Variants in WWOX observed in about 807,000 individuals in gnomAD.
WWOX encodes the protein WW domain containing oxidoreductase, also known as WW domain-containing oxidoreductase.
A neutral mutation model predicts 46.2 loss-of-function variants in WWOX; 69 were observed. The observed-to-expected ratio is 1.49, with a 90% CI of 1.23 to 1.82. The LOEUF is 1.82. Ranked by LOEUF, WWOX falls within the 40% of genes most tolerant of loss-of-function variation. WWOX has a pLI of 0.00. For missense variants in WWOX, 919 were observed against 542.6 expected, an observed-to-expected ratio of 1.69 and a Z score of -6.89; for synonymous variants, 359 against 202.6, an observed-to-expected ratio of 1.77 and a Z score of -6.56.
In WWOX at chr16:78,385,134, A is replaced by AACACACACAC. The variant is rs61262578; in HGVS notation, c.517-1708_517-1699dup. 4.3e-3 allele frequency among the ~76,000 whole-genome samples: 610 copies of AACACACACAC among 142,770 alleles called. 7 individuals are homozygous for AACACACACAC. The highest frequency in any genetic ancestry group is 6.5e-3 in the African/African-American group (236 of 36,206). 93.7% of individuals were successfully genotyped at this position (142,770 alleles called of 152,430 possible). ...GGGCGACAGAGTGAGACTCCATCTA[A>AACACACACAC]ACACACACACACACACACACACACA... On this transcript the variant is annotated intron_variant, in intron 5 of 8. Coordinates refer to ENST00000566780, the MANE Select transcript of WWOX (RefSeq NM_016373.4).
At chr16:79,102,390 T>A (rs1244138602) in intron 8 of WWOX, among the ~76,000 whole-genome samples, 1 of 152,156 alleles carries the variant, frequency 6.6e-6, no homozygotes, top group African/African-American at 2.4e-5. Flanking sequence ...ATTTGAAAAC[T>A]TTTATGAATG....
chr16:78,825,846 C>T (rs1461475177), intron 8 of WWOX: 4 of 625,252 alleles, frequency 6.4e-6, no homozygotes, highest in Non-Finnish European at 8.8e-6. Flanking sequence ...GTCATGCTGC[C>T]CTGGGACCCC....
At chr16:78,124,976 G>A (rs949435907) in intron 4 of WWOX, among the ~76,000 whole-genome samples, 8 of 152,096 alleles carry the variant, frequency 5.3e-5, no homozygotes, top group African/African-American at 1.9e-4. Context: ...TAAGCCTTTT[G>A]TATGAAGTTT....
chr16:78,416,009 A>G (rs897345712), intron 6 of WWOX, among the ~76,000 whole-genome samples: 12 of 152,206 alleles, frequency 7.9e-5, no homozygotes, highest in Non-Finnish European at 1.8e-4. Context: ...GCCATGTAGA[A>G]CCTGCATGCT....
chr16:78,856,505 T>C, intron 8 of WWOX, among the ~76,000 whole-genome samples: 1 of 152,056 alleles, frequency 6.6e-6, no homozygotes, highest in East Asian at 1.9e-4. Context: ...CAGCTGGTTG[T>C]GGTGGTACAC....
At chr16:78,932,593 G>C (rs1056111203) in intron 8 of WWOX, among the ~76,000 whole-genome samples, 1 of 152,220 alleles carries the variant, frequency 6.6e-6, no homozygotes, top group African/African-American at 2.4e-5. Flanking sequence ...TTTTCAAGAG[G>C]TGCCGACCAA....
At chr16:78,619,022 G>C (rs529437017) in intron 8 of WWOX, among the ~76,000 whole-genome samples, 1 of 148,470 alleles carries the variant, frequency 6.7e-6, no homozygotes, top group African/African-American at 2.5e-5. Context: ...TAGGCCAGGT[G>C]GGGTGGCTCA....
intron 8 of WWOX, among the ~76,000 whole-genome samples, chr16:78,977,614 G>C (rs1217718419): frequency 6.6e-6 from 1 of 152,168 alleles, no homozygotes; most frequent in Non-Finnish European, 1.5e-5. Context: ...TGAAAGGGGA[G>C]AGGAGATAGA....
Position 78,694,012 on chromosome 16 carries a change from C to T in WWOX, c.1056+261260C>T, listed in dbSNP as rs907658637. 3.9e-5 allele frequency among the ~76,000 whole-genome samples: 6 copies of T among 151,970 alleles called. No homozygotes were observed. In the East Asian group the frequency reaches 7.7e-4, roughly 20 times the overall value. On this transcript the variant is annotated intron_variant, in intron 8 of 8. Transcript: ENST00000566780. ...CTTTAGGAGGCCGAGGCAGGTGGAT[C>T]GGTTGAGGTCAGAGTTCAAGACCAG...
At position 79,206,033 on chromosome 16, in the gene WWOX, C is replaced by T. The variant is rs901785815; in HGVS notation, c.1057-5575C>T. ...ATCGGACGACCTTTTTAGTAAGGGT[C>T]ACTTGCTGTTGGATCATCGAAGGGG... On this transcript the variant is annotated intron_variant, in intron 8 of 8. Transcript: ENST00000566780. 3 of 152,296 alleles carry T rather than the reference C, an allele frequency of 2.0e-5. No homozygotes were observed. In the South Asian group the frequency reaches 6.2e-4, roughly 32 times the overall value. 9.4% of individuals were successfully genotyped at this position (152,296 alleles called of 1,614,324 possible). A position where few individuals can be genotyped will look rare whatever the true frequency, so the allele number is the denominator to read the frequency against.
At chr16:79,052,210 C>A (rs570681447) in intron 8 of WWOX, among the ~76,000 whole-genome samples, 2 of 147,584 alleles carry the variant, frequency 1.4e-5, no homozygotes, top group East Asian at 4.0e-4. Flanking sequence ...CCACCACAGT[C>A]CCCAGAGTGT....
chr16:78,882,515 C>T (rs912762419), intron 8 of WWOX, among the ~76,000 whole-genome samples: 1 of 150,522 alleles, frequency 6.6e-6, no homozygotes, highest in African/African-American at 2.4e-5. Context: ...CTCACTCTGT[C>T]ACCCAGGCTG....
chr16:78,901,540 T>C (rs939324749), intron 8 of WWOX, among the ~76,000 whole-genome samples: 22 of 152,272 alleles, frequency 1.4e-4, no homozygotes, highest in African/African-American at 5.3e-4. Context: ...CAGGCTCGAG[T>C]ACATTGGTAG....
At chr16:78,340,751 G>C (rs1417767678) in intron 5 of WWOX, among the ~76,000 whole-genome samples, 1 of 117,930 alleles carries the variant, frequency 8.5e-6, no homozygotes, top group Admixed American at 8.3e-5. Context: ...GCTTGGGGAA[G>C]GTGTAGCTCT....
In WWOX at chr16:79,063,579, G is replaced by A. The variant is rs113981665; in HGVS notation, c.1057-148029G>A. Among the ~76,000 whole-genome samples, 14 of 152,250 alleles carry A rather than the reference G, an allele frequency of 9.2e-5. No homozygotes were observed. The East Asian group carries it at 9.7e-4, about 11-fold the overall frequency. Reference sequence around the variant, plus strand: ...AAACCAAATGGAGAATTCCAGGAGCGGATTTGGAAACAAGGTTGGGTCTAC... The same window carrying A: ...AAACCAAATGGAGAATTCCAGGAGCAGATTTGGAAACAAGGTTGGGTCTAC... On this transcript the variant is annotated intron_variant, in intron 8 of 8. Transcript: ENST00000566780.
intron 5 of WWOX, among the ~76,000 whole-genome samples, chr16:78,321,923 T>C (rs920551435): frequency 6.6e-6 from 1 of 152,190 alleles, no homozygotes; most frequent in African/African-American, 2.4e-5. Context: ...AAATGGATTT[T>C]AGTTGTGAGT....
At chr16:78,975,318 C>G (rs1718904929) in intron 8 of WWOX, among the ~76,000 whole-genome samples, 1 of 152,020 alleles carries the variant, frequency 6.6e-6, no homozygotes, top group Non-Finnish European at 1.5e-5. Flanking sequence ...ATAGTGTGCT[C>G]CTGATTTCTG....
At position 78,547,261 on chromosome 16, in the gene WWOX, C is replaced by G. The variant is rs959287790; in HGVS notation, c.1056+114509C>G. On this transcript the variant is annotated intron_variant, in intron 8 of 8. Transcript: ENST00000566780. ...TACATTGGAGACACTATAACAAATG[C>G]TTTGCGTACATCAGCTCTTTCAAAT... Among the ~76,000 whole-genome samples, 62 of 150,530 alleles carry G rather than the reference C, an allele frequency of 4.1e-4. 1 individual carries two copies. Among genetic ancestry groups the G allele is most frequent in the African/African-American group, 1.4e-3 (58 of 40,602 alleles).
chr16:78,593,203 C>G (rs548472718), intron 8 of WWOX, among the ~76,000 whole-genome samples: 1 of 111,594 alleles, frequency 9.0e-6, no homozygotes, highest in African/African-American at 2.5e-5. Flanking sequence ...ATCACTTGAT[C>G]CTGATTTTTT....
Sources: allele counts gnomAD v4.1 joint callset (sites outside exome capture counted in the v4.1 genomes callset), GRCh38; gene constraint gnomAD v4.1.1; transcripts MANE v1.5; gene names NCBI Gene and HGNC (gene_info 2026-07-23, HGNC 2026-07-21).